Variants in PTPRD observed in about 807,000 individuals in gnomAD.
PTPRD encodes protein tyrosine phosphatase receptor type D.
Under a neutral mutation model 214.5 loss-of-function variants are expected in PTPRD, and 34 were observed. That is an observed-to-expected ratio of 0.16 (90% CI 0.12 to 0.21). The LOEUF (loss-of-function observed/expected upper bound fraction) is 0.21. PTPRD is among the 10% of genes least tolerant of loss of function. The pLI is 1.00. For missense variants in PTPRD, 2,545 were observed against 2,398.7 expected, an observed-to-expected ratio of 1.06 and a Z score of -1.27; for synonymous variants, 1,128 against 845.7, an observed-to-expected ratio of 1.33 and a Z score of -5.79.
At chr9:9,925,830 G>A (rs1040749294) in intron 5 of PTPRD, among the ~76,000 whole-genome samples, 2 of 151,690 alleles carry the variant, frequency 1.3e-5, no homozygotes, top group African/African-American at 2.4e-5. Context: ...ATCTCCCTTT[G>A]TTTGTTTGTT....
At chr9:9,400,311 A>T (rs1462052305) in intron 8 of PTPRD, among the ~76,000 whole-genome samples, 1 of 151,924 alleles carries the variant, frequency 6.6e-6, no homozygotes, top group Non-Finnish European at 1.5e-5. Flanking sequence ...AAATTTAACT[A>T]AGATACTCTC....
Position 8,338,881 on chromosome 9 carries a change from T to C in PTPRD, c.5379+41A>G, listed in dbSNP as rs763650362. The C allele has an allele frequency of 5.9e-5, 77 of 1,304,686 alleles. No homozygotes were observed. In the African/African-American group the frequency reaches 1.1e-3, roughly 18 times the overall value. 80.8% of individuals were successfully genotyped at this position (1,304,686 alleles called of 1,614,324 possible). A position where few individuals can be genotyped will look rare whatever the true frequency, so the allele number is the denominator to read the frequency against. ...AGAGAGAGAGGTATCTTAGACTACT[T>C]TTCAGCTAATGGTTAAGAGTTGAAG... On this transcript the variant is annotated intron_variant, in intron 43 of 45. Transcript: ENST00000381196.
At chr9:10,457,066 C>T (rs376354853) in intron 2 of PTPRD, among the ~76,000 whole-genome samples, 19 of 151,878 alleles carry the variant, frequency 1.3e-4, no homozygotes, top group African/African-American at 4.1e-4. Flanking sequence ...TTATACACAT[C>T]TCATTGTTTT....
At position 8,548,315 on chromosome 9, in the gene PTPRD, C is replaced by G. The variant is rs72696640; in HGVS notation, c.353-19536G>C. On this transcript the variant is annotated intron_variant, in intron 14 of 45. Transcript: ENST00000381196. ...GATGGCTGGCCAGGTCCAACTGTGA[C>G]AAGCTGGAAGGAATCTGGGGTTCAT... is the stretch of plus-strand genomic sequence containing the variant. Among the ~76,000 whole-genome samples the G allele has an allele frequency of 3.4e-3, 510 of 151,906 alleles. 1 individual carries two copies. The highest frequency in any genetic ancestry group is 4.0e-3 in the Non-Finnish European group (275 of 67,974).
chr9:9,159,982 G>A lies in PTPRD; in HGVS notation c.-143+23322C>T, dbSNP rs144413331. The stretch of plus-strand genomic sequence containing the variant: ...GATAGCCTTTTCCATCAGTGGTGTT[G>A]GAAAACTGGTTATCCACATGCAGAA... On this transcript the variant is annotated intron_variant, in intron 10 of 45. Coordinates refer to ENST00000381196, the MANE Select transcript of PTPRD (RefSeq NM_002839.4). Among the ~76,000 whole-genome samples, 6 of 152,164 alleles carry A rather than the reference G, an allele frequency of 3.9e-5. No individual in the cohort carries two copies. The East Asian group carries it at 1.2e-3, about 29-fold the overall frequency.
intron 11 of PTPRD, among the ~76,000 whole-genome samples, chr9:8,820,073 A>T (rs2097018645): frequency 6.6e-6 from 1 of 152,220 alleles, no homozygotes; most frequent in Admixed American, 6.5e-5. Context: ...GTAAGAGCAG[A>T]GAAAAAGATA....
At chr9:9,137,244 A>C (rs2099852321) in intron 10 of PTPRD, among the ~76,000 whole-genome samples, 1 of 152,156 alleles carries the variant, frequency 6.6e-6, no homozygotes, top group Non-Finnish European at 1.5e-5. Flanking sequence ...TTGTTTCAAT[A>C]ATTTATATTT....
intron 5 of PTPRD, among the ~76,000 whole-genome samples, chr9:9,937,425 A>AT (rs1566518831): frequency 1.7e-5 from 2 of 116,194 alleles, no homozygotes; most frequent in South Asian, 3.0e-4. Flanking sequence ...CCATAGATAA[A>AT]TAAAAAAAAA....
At chr9:9,869,937 A>C (rs963444869) in intron 5 of PTPRD, among the ~76,000 whole-genome samples, 1 of 152,058 alleles carries the variant, frequency 6.6e-6, no homozygotes, top group Non-Finnish European at 1.5e-5. Flanking sequence ...ATGGTTGCTA[A>C]TTTTGTAAAG....
intron 10 of PTPRD, among the ~76,000 whole-genome samples, chr9:9,066,601 G>T (rs887616210): frequency 1.3e-5 from 2 of 152,106 alleles, no homozygotes; most frequent in Non-Finnish European, 2.9e-5. Flanking sequence ...GAACTTGAGA[G>T]GGGGGAGATT....
chr9:8,932,273 C>T (rs2098958214), intron 11 of PTPRD, among the ~76,000 whole-genome samples: 1 of 152,102 alleles, frequency 6.6e-6, no homozygotes, highest in Non-Finnish European at 1.5e-5. Context: ...TTAGATCTTT[C>T]CCATTTTCTC....
chr9:9,745,632 T>C (rs1396686875), intron 6 of PTPRD, among the ~76,000 whole-genome samples: 1 of 152,178 alleles, frequency 6.6e-6, no homozygotes, highest in East Asian at 1.9e-4. Context: ...CTGAAGATTC[T>C]GAACTCAAGA....
chr9:9,963,908 A>G (rs1255489937), intron 4 of PTPRD, among the ~76,000 whole-genome samples: 1 of 152,178 alleles, frequency 6.6e-6, no homozygotes, highest in East Asian at 1.9e-4. Context: ...CTTATTTACA[A>G]ATGATTCTAC....
intron 3 of PTPRD, among the ~76,000 whole-genome samples, chr9:10,335,830 A>G (rs2096834639): frequency 6.6e-6 from 1 of 151,850 alleles, no homozygotes; most frequent in South Asian, 2.1e-4. Flanking sequence ...ACGGCAAATA[A>G]GCATGTGAAA....
chr9:10,125,456 A>G (rs1325269309), intron 3 of PTPRD, among the ~76,000 whole-genome samples: 1 of 116,090 alleles, frequency 8.6e-6, no homozygotes, highest in African/African-American at 3.3e-5. Context: ...TATTATTATT[A>G]TTATTATTAT....
At chr9:9,764,044 A>AT (rs893804492) in intron 6 of PTPRD, among the ~76,000 whole-genome samples, 5 of 152,126 alleles carry the variant, frequency 3.3e-5, no homozygotes, top group Non-Finnish European at 7.4e-5. Flanking sequence ...GCACCTCTCC[A>AT]TTGTAGCATA....
At chr9:9,304,461 C>G (rs1286053722) in intron 9 of PTPRD, among the ~76,000 whole-genome samples, 1 of 151,892 alleles carries the variant, frequency 6.6e-6, no homozygotes, top group Non-Finnish European at 1.5e-5. Context: ...CTATTTTAGA[C>G]TTTCCTTAAG....
rs368198882 is a variant in PTPRD at position 9,937,569 on chromosome 9, C to T, written c.-368+938G>A. 3.9e-5 allele frequency among the ~76,000 whole-genome samples: 6 copies of T among 152,056 alleles called. No homozygotes were observed. The East Asian group carries it at 5.8e-4, about 15-fold the overall frequency. On this transcript the variant is annotated intron_variant, in intron 5 of 45. Coordinates refer to ENST00000381196, the MANE Select transcript of PTPRD (RefSeq NM_002839.4). ...TCAGATATTCCTAATTATTTACTCA[C>T]ATTAAATCACAAGATACAGAATTGC...
intron 4 of PTPRD, among the ~76,000 whole-genome samples, chr9:9,982,051 C>G (rs557022993): frequency 7.8e-4 from 118 of 152,200 alleles, no homozygotes; most frequent in African/African-American, 2.8e-3. Flanking sequence ...AGATTGCTTC[C>G]CCTAGGTTGG....
Sources: allele counts gnomAD v4.1 joint callset (sites outside exome capture counted in the v4.1 genomes callset), GRCh38; gene constraint gnomAD v4.1.1; transcripts MANE v1.5; gene names NCBI Gene and HGNC (gene_info 2026-07-23, HGNC 2026-07-21).